RABEP1: variants seen among roughly 807,000 people sequenced by gnomAD.
RABEP1 encodes rab GTPase-binding effector protein 1.
A neutral mutation model predicts 123.4 loss-of-function variants in RABEP1; 51 were observed. The ratio of observed to expected loss-of-function variants is 0.41; its 90% CI spans 0.33 to 0.52. The LOEUF (loss-of-function observed/expected upper bound fraction) is 0.52, where lower values mean the gene tolerates loss of function less well. Ranked by LOEUF, RABEP1 falls within the 20% of genes least tolerant of loss-of-function variation. The probability of loss-of-function intolerance (pLI) is 0.16; values close to 1 mark genes in which losing one functional copy is unlikely to be tolerated. For synonymous variants in RABEP1, 347 were observed against 355.2 expected (o/e 0.98, Z 0.26); for missense variants, 888 against 996.3 (o/e 0.89, Z 1.46).
Position 5,350,557 on chromosome 17 carries a change from C to T in RABEP1, c.891C>T (p.Asp297=), listed in dbSNP as rs1362059215. Residue 297 remains aspartate (D), a synonymous_variant, in exon 7 of 18, where the codon GAC becomes GAT. Transcript: ENST00000537505. ...FLESQRLLMR[D]MQRMEIVLTS... The stretch of plus-strand genomic sequence containing the variant: ...AATCTCAGCGTTTACTGATGAGAGA[C>T]ATGCAGCGAATGGAGATTGTGCTAA... 6.2e-7 allele frequency: 1 copy of T among 1,614,130 alleles called. No homozygotes were observed. The highest frequency in any genetic ancestry group is 1.3e-5 in the African/African-American group (1 of 75,028).
At chr17:5,374,729 T>C (rs1260611431) in intron 13 of RABEP1, among the ~76,000 whole-genome samples, 1 of 152,240 alleles carries the variant, frequency 6.6e-6, no homozygotes, top group African/African-American at 2.4e-5. Context: ...AACCTCTGTC[T>C]CCCAGGTTCA....
At position 5,331,943 on chromosome 17, in the gene RABEP1, C is replaced by T; in HGVS notation, c.164-6C>T. On this transcript the variant is annotated splice_region_variant and splice_polypyrimidine_tract_variant and intron_variant, in intron 2 of 17. Transcript: ENST00000537505. ...TTAATGGACTATCTTTTACTTTTCT[C>T]TCCAGAGGATCTGAAGAGGCAAAAT... 4 of 1,613,542 alleles carry T rather than the reference C, an allele frequency of 2.5e-6. No homozygotes were observed. The highest frequency in any genetic ancestry group is 3.4e-6 in the Non-Finnish European group (4 of 1,179,562).
Position 5,384,563 on chromosome 17 carries a change from G to C in RABEP1, c.*1340G>C, listed in dbSNP as rs1911783134. On this transcript the variant is annotated 3_prime_UTR_variant, in exon 18 of 18. Transcript: ENST00000537505. ...CACATAACGCCACCATCAACTTAAAGTGAATTGTCTTTGTTATAAATGAGG... is the reference window on the plus strand; with the variant it reads ...CACATAACGCCACCATCAACTTAAACTGAATTGTCTTTGTTATAAATGAGG... 1 of 216,570 alleles carries C rather than the reference G, an allele frequency of 4.6e-6. No homozygotes were observed. Among genetic ancestry groups the C allele is most frequent in the South Asian group, 1.9e-4 (1 of 5,340 alleles). 13.4% of individuals were successfully genotyped at this position (216,570 alleles called of 1,614,324 possible). A position where few individuals can be genotyped will look rare whatever the true frequency, so the allele number is the denominator to read the frequency against.
intron 5 of RABEP1, among the ~76,000 whole-genome samples, chr17:5,343,670 C>CTTTTTTTTTTTTTTTTT (rs753410845): frequency 5.0e-5 from 5 of 99,952 alleles, no homozygotes; most frequent in African/African-American, 7.8e-5. Flanking sequence ...TTTCTTTTCT[C>CTTTTTTTTTTTTTTTTT]TTTTTTTTTT....
chr17:5,359,951 C>T (rs1292453550), intron 8 of RABEP1, among the ~76,000 whole-genome samples: 2 of 152,142 alleles, frequency 1.3e-5, no homozygotes, highest in African/African-American at 2.4e-5. Flanking sequence ...TGCTGTACCA[C>T]GTTGTTTAAA....
chr17:5,373,526 A>G, intron 13 of RABEP1, 72 bp downstream of exon 13: 1 of 1,461,234 alleles, frequency 6.8e-7, no homozygotes, highest in Non-Finnish European at 9.2e-7. Flanking sequence ...TTCTTTATGT[A>G]AACAGTTTTA....
chr17:5,309,350 T>C (rs1373844866), intron 2 of RABEP1, among the ~76,000 whole-genome samples: 3 of 147,866 alleles, frequency 2.0e-5, no homozygotes, highest in Non-Finnish European at 2.9e-5. Flanking sequence ...TGATGAGTCG[T>C]TAAAACAGGA....
At chr17:5,299,104 G>A (rs758426444) in intron 1 of RABEP1, among the ~76,000 whole-genome samples, 4 of 152,128 alleles carry the variant, frequency 2.6e-5, no homozygotes, top group Non-Finnish European at 5.9e-5. Context: ...CCCAGTTGTC[G>A]TGCGCACTTG....
chr17:5,304,394 A>G lies in RABEP1; in HGVS notation c.35-4300A>G, dbSNP rs565999130. On this transcript the variant is annotated intron_variant, in intron 1 of 17. Transcript: ENST00000537505. ...CAGGAGTTCGAGACTAGCCTGGCTA[A>G]TGTGGTAAAGCCCTGTCTCTACTAA... Among the ~76,000 whole-genome samples the G allele has an allele frequency of 8.6e-5, 13 of 151,822 alleles. No individual in the cohort carries two copies. The East Asian group carries it at 2.5e-3, about 29-fold the overall frequency.
At chr17:5,376,939 A>G (rs751405914) in intron 13 of RABEP1, among the ~76,000 whole-genome samples, 177 bp from the exon 14 acceptor site, 1 of 152,236 alleles carries the variant, frequency 6.6e-6, no homozygotes, top group Non-Finnish European at 1.5e-5. Context: ...TTTCTATAAC[A>G]TACTGAATGT....
intron 1 of RABEP1, among the ~76,000 whole-genome samples, chr17:5,306,285 A>G (rs2075178837): frequency 6.6e-6 from 1 of 152,098 alleles, no homozygotes; most frequent in Admixed American, 6.6e-5. Context: ...AAGGTTTAAT[A>G]TTGTTGAAGG....
intron 8 of RABEP1, among the ~76,000 whole-genome samples, chr17:5,360,077 A>G (rs1909365160): frequency 6.6e-6 from 1 of 152,242 alleles, no homozygotes; most frequent in Admixed American, 6.5e-5. Flanking sequence ...AGGAGACCTC[A>G]TAACCCATTA....
At chr17:5,291,411 A>G (rs779688865) in intron 1 of RABEP1, among the ~76,000 whole-genome samples, 9 of 151,910 alleles carry the variant, frequency 5.9e-5, no homozygotes, top group Non-Finnish European at 8.8e-5. Context: ...GACTCCGTTT[A>G]AAAAAAAGAA....
At chr17:5,292,789 C>A (rs901744205) in intron 1 of RABEP1, among the ~76,000 whole-genome samples, 1 of 152,106 alleles carries the variant, frequency 6.6e-6, no homozygotes, top group Non-Finnish European at 1.5e-5. Context: ...TCAGGTGATC[C>A]TCTCACCTCA....
chr17:5,350,586 C>T lies in RABEP1; in HGVS notation c.920C>T (p.Ser307Leu). Residue 307 changes from serine to leucine, a missense_variant, in exon 7 of 18, where the codon TCA becomes TTA. Transcript: ENST00000537505. ...DMQRMEIVLT[S>L]EQLRQVEELK... is the part of the protein sequence containing the mutation. ...CAGCGAATGGAGATTGTGCTAACTT[C>T]AGAACAGCTCCGACAAGTTGAAGAA... The T allele has an allele frequency of 6.2e-7, 1 of 1,613,996 alleles. No individual in the cohort carries two copies. Among genetic ancestry groups the T allele is most frequent in the Non-Finnish European group, 8.5e-7 (1 of 1,180,004 alleles).
At chr17:5,324,209 A>G (rs1905737007) in intron 2 of RABEP1, among the ~76,000 whole-genome samples, 1 of 152,210 alleles carries the variant, frequency 6.6e-6, no homozygotes, top group South Asian at 2.1e-4. Context: ...TAGTAACCCA[A>G]TCAGCATGGC....
At chr17:5,333,529 A>C (rs978248989) in intron 3 of RABEP1, among the ~76,000 whole-genome samples, 4 of 152,094 alleles carry the variant, frequency 2.6e-5, no homozygotes, top group African/African-American at 7.2e-5. Context: ...ATTGTGTATC[A>C]CTTTTTGCCT....
At chr17:5,311,480 A>G (rs188400600) in intron 2 of RABEP1, among the ~76,000 whole-genome samples, 467 of 152,088 alleles carry the variant, frequency 3.1e-3, no homozygotes, top group Middle Eastern at 0.01. Context: ...GCGGATCACA[A>G]GGTCATGAGT....
At chr17:5,368,662 G>A (rs1910287695) in intron 12 of RABEP1, among the ~76,000 whole-genome samples, 194 bp downstream of exon 12, 1 of 152,018 alleles carries the variant, frequency 6.6e-6, no homozygotes, top group Admixed American at 6.5e-5. Flanking sequence ...CTACTTTCTG[G>A]CCAAACAAAA....
Sources: allele counts gnomAD v4.1 joint callset (sites outside exome capture counted in the v4.1 genomes callset), GRCh38; gene constraint gnomAD v4.1.1; transcripts MANE v1.5; gene names NCBI Gene and HGNC (gene_info 2026-07-23, HGNC 2026-07-21).